The following OSBPL10 variants were observed in gnomAD, a reference collection of about 807,000 sequenced individuals.
OSBPL10 encodes the protein oxysterol binding protein like 10.
A neutral mutation model predicts 81.7 loss-of-function variants in OSBPL10; 49 were observed. That is an observed-to-expected ratio of 0.60 (90% CI 0.48 to 0.76). The LOEUF is 0.76. Among genes scored for constraint, OSBPL10 ranks in the 30% least tolerant of loss-of-function variants. The pLI, the probability that OSBPL10 is intolerant of heterozygous loss-of-function variation, is 0.00. For missense variants in OSBPL10, 923 were observed against 987.8 expected (o/e 0.93, Z 0.88); for synonymous variants, 419 against 383.6 (o/e 1.09, Z -1.08).
At chr3:31,792,985 A>G (rs1367921487) in intron 4 of OSBPL10, among the ~76,000 whole-genome samples, 1 of 151,886 alleles carries the variant, frequency 6.6e-6, no homozygotes, top group African/African-American at 2.4e-5. Flanking sequence ...GAGGATGCAC[A>G]TCATTTGGAT....
At chr3:31,789,888 CTT>C (rs2125419806) in intron 4 of OSBPL10, among the ~76,000 whole-genome samples, 1 of 152,104 alleles carries the variant, frequency 6.6e-6, no homozygotes, top group East Asian at 1.9e-4. Flanking sequence ...ATTTGCAACT[CTT>C]TTACTAAACC....
chr3:32,050,559 G>C (rs1030234115), intron 1 of OSBPL10, among the ~76,000 whole-genome samples: 4 of 152,096 alleles, frequency 2.6e-5, no homozygotes, highest in African/African-American at 7.2e-5. Context: ...CTTAGTTAAG[G>C]CTTATTGGTT....
intron 6 of OSBPL10, among the ~76,000 whole-genome samples, chr3:31,724,043 A>G (rs1696737102): frequency 6.6e-6 from 1 of 152,178 alleles, no homozygotes; most frequent in Admixed American, 6.5e-5. Flanking sequence ...AAACAACAGA[A>G]TACTAAAACT....
At chr3:32,028,935 C>CACAT in intron 2 of OSBPL10, among the ~76,000 whole-genome samples, 1 of 125,136 alleles carries the variant, frequency 8.0e-6, no homozygotes, top group African/African-American at 3.3e-5. Context: ...AGGACACACA[C>CACAT]ACACACACAC....
At chr3:31,850,019 G>C (rs1236846030) in intron 3 of OSBPL10, among the ~76,000 whole-genome samples, 2 of 152,160 alleles carry the variant, frequency 1.3e-5, no homozygotes, top group Non-Finnish European at 2.9e-5. Flanking sequence ...TAACAAATTA[G>C]CTGGGTGTGG....
At chr3:31,797,893 T>C in intron 4 of OSBPL10, 1 of 435,926 alleles carries the variant, frequency 2.3e-6, no homozygotes, top group Admixed American at 2.4e-5. Flanking sequence ...GCTATGGTTC[T>C]TTCTAGCACT....
At chr3:31,873,961 A>T (rs906438806) in intron 3 of OSBPL10, among the ~76,000 whole-genome samples, 3 of 152,192 alleles carry the variant, frequency 2.0e-5, no homozygotes, top group African/African-American at 7.2e-5. Context: ...TAGCACTTTC[A>T]TCTCCATTTC....
intron 1 of OSBPL10, among the ~76,000 whole-genome samples, chr3:32,050,311 T>C (rs950204143): frequency 6.6e-6 from 1 of 152,252 alleles, no homozygotes; most frequent in Admixed American, 6.5e-5. Flanking sequence ...TAAGGCTTTC[T>C]TTTCACAACG....
chr3:31,862,531 C>T (rs574167394), intron 3 of OSBPL10, among the ~76,000 whole-genome samples: 2 of 151,918 alleles, frequency 1.3e-5, no homozygotes, highest in African/African-American at 4.8e-5. Flanking sequence ...CTAATACTTG[C>T]AAATTATGTA....
chr3:31,796,376 C>T (rs183501884), intron 4 of OSBPL10, among the ~76,000 whole-genome samples: 1 of 151,912 alleles, frequency 6.6e-6, no homozygotes, highest in African/African-American at 2.4e-5. Context: ...CCCCGCCCCC[C>T]CAAAAAAGGT....
chr3:32,035,912 C>T (rs1156657546), intron 2 of OSBPL10, among the ~76,000 whole-genome samples: 1 of 152,170 alleles, frequency 6.6e-6, no homozygotes, highest in Non-Finnish European at 1.5e-5. Context: ...TTTTCATCTT[C>T]CCAAATTGAA....
At chr3:32,047,942 G>C (rs970435166) in intron 1 of OSBPL10, among the ~76,000 whole-genome samples, 1 of 152,126 alleles carries the variant, frequency 6.6e-6, no homozygotes, top group Non-Finnish European at 1.5e-5. Context: ...TGGGATTACA[G>C]GCATAAGCCA....
chr3:32,047,624 T>TGGGTTTTGGC (rs1355633115), intron 1 of OSBPL10, among the ~76,000 whole-genome samples: 6 of 152,042 alleles, frequency 3.9e-5, no homozygotes, highest in Non-Finnish European at 8.8e-5. Context: ...TTGGTTTTGG[T>TGGGTTTTGGC]GGGTTTTGGC....
intron 2 of OSBPL10, among the ~76,000 whole-genome samples, chr3:32,026,125 G>A (rs1348951104): frequency 6.6e-6 from 1 of 151,756 alleles, no homozygotes; most frequent in Non-Finnish European, 1.5e-5. Flanking sequence ...TAGAGACAGA[G>A]ATAGAGATAG....
At position 31,837,375 on chromosome 3, in the gene OSBPL10, A is replaced by G. The variant is rs1328562089; in HGVS notation, c.538-7144T>C. Among the ~76,000 whole-genome samples, 9 of 32,256 alleles carry G rather than the reference A, an allele frequency of 2.8e-4. 1 individual carries two copies. In the South Asian group the frequency reaches 0.014, roughly 50 times the overall value. 21.2% of individuals were successfully genotyped at this position (32,256 alleles called of 152,430 possible). ...TATATATATATATATATATATATAT[A>G]GTAAGTAACATAACACAGAGACCTT... is the stretch of plus-strand genomic sequence containing the variant. On this transcript the variant is annotated intron_variant, in intron 3 of 11. Coordinates refer to ENST00000396556, the MANE Select transcript of OSBPL10 (RefSeq NM_017784.5).
intron 1 of OSBPL10, among the ~76,000 whole-genome samples, chr3:31,891,291 C>A (rs373554505): frequency 6.6e-6 from 1 of 152,122 alleles, no homozygotes; most frequent in African/African-American, 2.4e-5. Flanking sequence ...GGCCCCTCCC[C>A]CAGAGCTTAT....
At chr3:31,846,971 AC>A (rs1281311476) in intron 3 of OSBPL10, among the ~76,000 whole-genome samples, 1 of 152,144 alleles carries the variant, frequency 6.6e-6, no homozygotes, top group Non-Finnish European at 1.5e-5. Flanking sequence ...TCTACAAAGA[AC>A]TTTTTGTGTG....
At chr3:31,907,274 A>C (rs146120167) in intron 1 of OSBPL10, among the ~76,000 whole-genome samples, 153 of 152,306 alleles carry the variant, frequency 1.0e-3, no homozygotes, top group African/African-American at 3.5e-3. Flanking sequence ...TTGTCGTCTT[A>C]AAAATAGGGC....
At chr3:31,915,159 C>T (rs920010907) in intron 1 of OSBPL10, among the ~76,000 whole-genome samples, 1 of 144,780 alleles carries the variant, frequency 6.9e-6, no homozygotes, top group Non-Finnish European at 1.5e-5. Context: ...GCTTTGAACA[C>T]ATTTTTTTTT....
Sources: allele counts gnomAD v4.1 joint callset (sites outside exome capture counted in the v4.1 genomes callset), GRCh38; gene constraint gnomAD v4.1.1; transcripts MANE v1.5; gene names NCBI Gene and HGNC (gene_info 2026-07-23, HGNC 2026-07-21).